DTNB: variants seen among roughly 807,000 people sequenced by gnomAD.
DTNB encodes the protein DTN-B.
A neutral mutation model predicts 90.7 loss-of-function variants in DTNB; 63 were observed. The ratio of observed to expected loss-of-function variants is 0.69; its 90% CI spans 0.57 to 0.86. DTNB has a LOEUF of 0.86. DTNB is among the 40% of genes least tolerant of loss of function. DTNB has a pLI of 0.00. For synonymous variants in DTNB, 277 were observed against 286.7 expected (o/e 0.97, Z 0.34); for missense variants, 744 against 807.1 (o/e 0.92, Z 0.95).
chr2:25,385,127 C>T (rs1294088698), intron 18 of DTNB, among the ~76,000 whole-genome samples: 4 of 152,136 alleles, frequency 2.6e-5, no homozygotes, highest in Non-Finnish European at 4.4e-5. Context: ...ATCCACCTGC[C>T]TCAGCCTCCC....
At chr2:25,395,150 A>G (rs1191187109) in intron 16 of DTNB, among the ~76,000 whole-genome samples, 2 of 152,176 alleles carry the variant, frequency 1.3e-5, no homozygotes, top group Admixed American at 6.5e-5. Flanking sequence ...AACATTGTAC[A>G]TTCTCACTCA....
At chr2:25,504,438 AAGAG>A (rs1357278949) in intron 9 of DTNB, among the ~76,000 whole-genome samples, 1 of 150,622 alleles carries the variant, frequency 6.6e-6, no homozygotes, top group Non-Finnish European at 1.5e-5. Context: ...GAAAGAAGGA[AAGAG>A]AGAAGGAAAG....
At chr2:25,458,292 GA>G (rs2060368458) in intron 10 of DTNB, among the ~76,000 whole-genome samples, 2 of 152,008 alleles carry the variant, frequency 1.3e-5, no homozygotes, top group South Asian at 4.2e-4. Flanking sequence ...TTTTCACATT[GA>G]AAATCAGTCA....
intron 12 of DTNB, among the ~76,000 whole-genome samples, chr2:25,447,432 G>C (rs1488714239): frequency 6.6e-6 from 1 of 151,936 alleles, no homozygotes; most frequent in East Asian, 1.9e-4. Context: ...TTCCAGAGGA[G>C]ACGACTTCTT....
chr2:25,605,017 C>T (rs2066791470), intron 5 of DTNB, among the ~76,000 whole-genome samples: 1 of 152,204 alleles, frequency 6.6e-6, no homozygotes, highest in Non-Finnish European at 1.5e-5. Context: ...CTGCACCCAG[C>T]CAAGTTCTGT....
At chr2:25,450,074 T>A (rs1322445384) in intron 12 of DTNB, among the ~76,000 whole-genome samples, 1 of 152,218 alleles carries the variant, frequency 6.6e-6, no homozygotes, top group Non-Finnish European at 1.5e-5. Flanking sequence ...TTATCAATTT[T>A]TAAAATGGTT....
intron 8 of DTNB, 70 bp downstream of exon 8, chr2:25,576,768 C>T (rs1441195276): frequency 6.9e-7 from 1 of 1,453,150 alleles, no homozygotes; most frequent in Non-Finnish European, 9.1e-7. Flanking sequence ...CATGAGGAAA[C>T]TGGCCCAGGT....
chr2:25,434,897 TTTAC>T (rs1384782709), intron 12 of DTNB, among the ~76,000 whole-genome samples: 1 of 152,212 alleles, frequency 6.6e-6, no homozygotes, highest in East Asian at 1.9e-4. Context: ...TTATTTTTTA[TTTAC>T]TTACTACTTT....
intron 1 of DTNB, 170 bp from the exon 2 acceptor site, chr2:25,652,831 CCTTTT>C: frequency 1.9e-6 from 1 of 531,924 alleles, no homozygotes; most frequent in Admixed American, 3.8e-5. Flanking sequence ...AAACTGCCAT[CCTTTT>C]ATTTGATAGC....
intron 8 of DTNB, among the ~76,000 whole-genome samples, chr2:25,563,160 A>G (rs1055472919): frequency 6.6e-6 from 1 of 152,236 alleles, no homozygotes; most frequent in Non-Finnish European, 1.5e-5. Context: ...AGTGTTAAGT[A>G]TGTTCACGTT....
rs146887296 is a variant in DTNB, at chr2:25,638,100, A to G, written c.148+914T>C. Among the ~76,000 whole-genome samples, 384 of 152,318 alleles carry G rather than the reference A, an allele frequency of 2.5e-3. 1 individual carries two copies. Among genetic ancestry groups the G allele is most frequent in the Admixed American group, 8.2e-3 (125 of 15,296 alleles). ...TGGAAGTCATCATTCTCAGCAAACT[A>G]TCGCAAGGACAGAAAAGTGAACACC... is the stretch of plus-strand genomic sequence containing the variant. On this transcript the variant is annotated intron_variant, in intron 3 of 20. Coordinates refer to ENST00000406818, the MANE Select transcript of DTNB (RefSeq NM_021907.5).
chr2:25,382,454 G>T (rs947234709), intron 19 of DTNB, among the ~76,000 whole-genome samples: 2 of 144,658 alleles, frequency 1.4e-5, no homozygotes, highest in African/African-American at 2.5e-5. Flanking sequence ...TTTCTGTTCA[G>T]TATAACATAG....
chr2:25,645,276 G>C lies in DTNB; in HGVS notation c.68-6182C>G, dbSNP rs1290488927. ...TGCACGCCTGTAATCCCAGCTACTTGAGAGGGTGAGGCATGAGAACTGCTT... is the reference window on the plus strand; with the variant it reads ...TGCACGCCTGTAATCCCAGCTACTTCAGAGGGTGAGGCATGAGAACTGCTT... On this transcript the variant is annotated intron_variant, in intron 2 of 20. Coordinates refer to ENST00000406818, the MANE Select transcript of DTNB (RefSeq NM_021907.5). 4.6e-5 allele frequency among the ~76,000 whole-genome samples: 7 copies of C among 150,934 alleles called. No individual in the cohort carries two copies. In the East Asian group the frequency reaches 1.4e-3, roughly 30 times the overall value.
intron 9 of DTNB, among the ~76,000 whole-genome samples, chr2:25,504,071 C>A (rs1202344159): frequency 6.6e-6 from 1 of 152,138 alleles, no homozygotes; most frequent in Non-Finnish European, 1.5e-5. Context: ...AATTCGAGAC[C>A]AGTCTGGCCA....
At chr2:25,614,999 C>A (rs539210396) in intron 4 of DTNB, among the ~76,000 whole-genome samples, 1 of 152,190 alleles carries the variant, frequency 6.6e-6, no homozygotes, top group African/African-American at 2.4e-5. Context: ...ATATCAGTAG[C>A]AAGTAGTAGG....
intron 16 of DTNB, among the ~76,000 whole-genome samples, chr2:25,410,842 G>A (rs1379831785): frequency 6.6e-6 from 1 of 151,892 alleles, no homozygotes; most frequent in East Asian, 1.9e-4. Context: ...TATCTGGCCT[G>A]TGACACAACC....
At chr2:25,610,986 A>T (rs2068476138) in intron 4 of DTNB, among the ~76,000 whole-genome samples, 1 of 152,230 alleles carries the variant, frequency 6.6e-6, no homozygotes, top group Non-Finnish European at 1.5e-5. Context: ...CTGGGATTGC[A>T]GGCGTGAGCC....
chr2:25,470,605 G>A (rs1006777244), intron 10 of DTNB, among the ~76,000 whole-genome samples: 1 of 152,004 alleles, frequency 6.6e-6, no homozygotes, highest in Non-Finnish European at 1.5e-5. Context: ...TTGAACTCCT[G>A]ACCTCAGGTG....
chr2:25,661,637 G>A (rs1044501770), intron 1 of DTNB, among the ~76,000 whole-genome samples: 8 of 152,234 alleles, frequency 5.3e-5, no homozygotes, highest in Non-Finnish European at 8.8e-5. Context: ...GATGACAGAA[G>A]CGTTTGCTCT....
Sources: allele counts gnomAD v4.1 joint callset (sites outside exome capture counted in the v4.1 genomes callset), GRCh38; gene constraint gnomAD v4.1.1; transcripts MANE v1.5; gene names NCBI Gene and HGNC (gene_info 2026-07-23, HGNC 2026-07-21).